Variants in SAMD5 observed in about 807,000 individuals in gnomAD.
The protein encoded by SAMD5 is sterile alpha motif domain containing 5.
A neutral mutation model predicts 11.3 loss-of-function variants in SAMD5; 13 were observed. That is an observed-to-expected ratio of 1.15 (90% CI 0.75 to 1.83). The LOEUF is 1.83. Among genes scored for constraint, SAMD5 ranks in the 40% most tolerant of loss-of-function variants. The pLI is 0.00. For missense variants in SAMD5, 255 were observed against 239.1 expected (o/e 1.07, Z -0.44); for synonymous variants, 129 against 111.3 (o/e 1.16, Z -1.00).
the SAMD5 span, among the ~76,000 whole-genome samples, chr6:147,792,513 A>G: frequency 3.3e-5 from 5 of 152,224 alleles, no homozygotes; most frequent in Admixed American, 2.6e-4. Flanking sequence ...ATGTGTGCAT[A>G]TACAGATTCA....
chr6:147,577,690 G>A (rs921413606), intron 1 of SAMD5, among the ~76,000 whole-genome samples: 14 of 151,908 alleles, frequency 9.2e-5, no homozygotes, highest in African/African-American at 3.1e-4. Flanking sequence ...GGAGAGAGTT[G>A]GCAAAAAAGT....
chr6:147,891,652 C>G, the SAMD5 span, among the ~76,000 whole-genome samples: 59 of 151,996 alleles, frequency 3.9e-4, no homozygotes, highest in Non-Finnish European at 6.5e-4. Flanking sequence ...TATAAAAAAT[C>G]GAATGTAAGA....
chr6:147,878,416 C>A, the SAMD5 span, among the ~76,000 whole-genome samples: 1 of 151,668 alleles, frequency 6.6e-6, no homozygotes. Flanking sequence ...CACCTCCCAA[C>A]GGCTCTACAT....
chr6:147,548,947 A>G (rs1788726234), intron 1 of SAMD5, among the ~76,000 whole-genome samples: 1 of 152,146 alleles, frequency 6.6e-6, no homozygotes, highest in East Asian at 1.9e-4. Context: ...AAAGGTGAGT[A>G]GAAGTGATGT....
rs990314840 is a variant in SAMD5 at position 147,567,616 on chromosome 6, C to G, written c.*3160C>G. 16 of 976,528 alleles carry G rather than the reference C, an allele frequency of 1.6e-5. No individual in the cohort carries two copies. The African/African-American group carries it at 2.8e-4, about 17-fold the overall frequency. The allele number at this position is 976,528 out of a possible 1,614,324, so 60.5% of individuals were successfully genotyped here. A position where few individuals can be genotyped will look rare whatever the true frequency, so the allele number is the denominator to read the frequency against. On this transcript the variant is annotated 3_prime_UTR_variant, in exon 2 of 2. Transcript: ENST00000367474. ...CCCACATACAGTCCTTGGCTCAGTG[C>G]TAGGCATGTAGCAGGTGCTGACTGC...
the SAMD5 span, among the ~76,000 whole-genome samples, chr6:147,894,216 C>G: frequency 1.3e-5 from 2 of 151,686 alleles, no homozygotes; most frequent in African/African-American, 4.8e-5. Context: ...CTCCATCCCC[C>G]AGGTTCAAGT....
chr6:147,900,566 G>A, the SAMD5 span, among the ~76,000 whole-genome samples: 1 of 152,140 alleles, frequency 6.6e-6, no homozygotes, highest in African/African-American at 2.4e-5. Flanking sequence ...GTGCTTGGTC[G>A]GCAGCTCACC....
chr6:147,815,293 A>G, the SAMD5 span, among the ~76,000 whole-genome samples: 7 of 152,216 alleles, frequency 4.6e-5, no homozygotes, highest in Non-Finnish European at 1.0e-4. Flanking sequence ...TTCGACAAAC[A>G]TGAATTGCAC....
At chr6:147,616,461 T>A (rs9485207) in intron 1 of SAMD5, among the ~76,000 whole-genome samples, 27,216 of 151,880 alleles carry the variant, frequency 0.18, 5,018 homozygotes, top group African/African-American at 0.47. Context: ...GCCATTAGTC[T>A]GCAGCAGTGA....
At chr6:147,612,475 G>T (rs2128449262) in intron 1 of SAMD5, among the ~76,000 whole-genome samples, 1 of 152,128 alleles carries the variant, frequency 6.6e-6, no homozygotes, top group Middle Eastern at 3.4e-3. Flanking sequence ...GCTTCTGAAG[G>T]ATCAAGTCTA....
At chr6:147,539,476 C>T (rs1194706436) in intron 1 of SAMD5, among the ~76,000 whole-genome samples, 1 of 152,006 alleles carries the variant, frequency 6.6e-6, no homozygotes, top group South Asian at 2.1e-4. Flanking sequence ...TTTCTGATAC[C>T]CCCAAAACTC....
intron 1 of SAMD5, among the ~76,000 whole-genome samples, chr6:147,668,132 C>T (rs957297480): frequency 1.2e-4 from 18 of 152,190 alleles, no homozygotes; most frequent in African/African-American, 4.1e-4. Context: ...CTTTTATTCT[C>T]CTGCCCAACC....
chr6:147,713,132 T>C (rs17389835), intron 1 of SAMD5, among the ~76,000 whole-genome samples: 10,418 of 152,280 alleles, frequency 0.068, 407 homozygotes, highest in Middle Eastern at 0.092. Context: ...CTTAAAGCAA[T>C]ACCTGTTTGT....
At chr6:147,825,087 A>C in the SAMD5 span, among the ~76,000 whole-genome samples, 1 of 152,188 alleles carries the variant, frequency 6.6e-6, no homozygotes, top group South Asian at 2.1e-4. Context: ...CTGAGGTCAC[A>C]GGAGTTCGAG....
At chr6:147,623,633 T>C (rs1024329430) in intron 1 of SAMD5, among the ~76,000 whole-genome samples, 2 of 152,212 alleles carry the variant, frequency 1.3e-5, no homozygotes, top group African/African-American at 2.4e-5. Flanking sequence ...AACAGTTCTT[T>C]CTAAAAACAA....
the SAMD5 span, among the ~76,000 whole-genome samples, chr6:147,923,059 TA>T: frequency 6.6e-5 from 10 of 151,538 alleles, no homozygotes; most frequent in East Asian, 1.9e-4. Context: ...GTAACGATGA[TA>T]AAAAAAAATT....
rs111893646 is a variant in SAMD5 at position 147,625,293 on chromosome 6, C to T, written c.163-112024C>T. On this transcript the variant is annotated intron_variant, in intron 1 of 1. Transcript: ENST00000566741. The stretch of plus-strand genomic sequence containing the variant: ...TTAGTCGTCATGGTAAATGCTGCCA[C>T]TTCCATTTCTGATGCTTTCGTAATG... Among the ~76,000 whole-genome samples, 316 of 152,284 alleles carry T rather than the reference C, an allele frequency of 2.1e-3. 2 individuals carry two copies. The highest frequency in any genetic ancestry group is 7.3e-3 in the African/African-American group (304 of 41,566).
intron 1 of SAMD5, among the ~76,000 whole-genome samples, chr6:147,603,844 A>AG (rs1392609525): frequency 2.6e-5 from 4 of 152,170 alleles, no homozygotes; most frequent in African/African-American, 9.7e-5. Flanking sequence ...TGGGAGCTGG[A>AG]GGGTTTGATT....
intron 1 of SAMD5, among the ~76,000 whole-genome samples, chr6:147,643,376 A>G (rs1025390753): frequency 2.0e-4 from 31 of 152,160 alleles, no homozygotes; most frequent in African/African-American, 7.5e-4. Flanking sequence ...TCTATGTTAA[A>G]AAGGGGAAAA....
Sources: allele counts gnomAD v4.1 joint callset (sites outside exome capture counted in the v4.1 genomes callset), GRCh38; gene constraint gnomAD v4.1.1; transcripts MANE v1.5; gene names NCBI Gene and HGNC (gene_info 2026-07-23, HGNC 2026-07-21).